The following GALNT13 variants were observed in gnomAD, a reference collection of about 807,000 sequenced individuals.
GALNT13 encodes the protein polypeptide N-acetylgalactosaminyltransferase 13.
In GALNT13, 28 loss-of-function variants were observed where a neutral mutation model predicts 64.2. That is an observed-to-expected ratio of 0.44 (90% CI 0.32 to 0.60). The LOEUF (loss-of-function observed/expected upper bound fraction) is 0.60. Ranked by LOEUF, GALNT13 falls within the 20% of genes least tolerant of loss-of-function variation. The probability of loss-of-function intolerance (pLI) is 0.05; values close to 1 mark genes in which losing one functional copy is unlikely to be tolerated. For missense variants in GALNT13, 577 were observed against 669.8 expected, an observed-to-expected ratio of 0.86 and a Z score of 1.53; for synonymous variants, 214 against 224.6, an observed-to-expected ratio of 0.95 and a Z score of 0.42.
chr2:153,592,927 G>C, the GALNT13 span: 1 of 152,226 alleles, frequency 6.6e-6, no homozygotes, highest in African/African-American at 2.4e-5. Flanking sequence ...AAAGGCCCTG[G>C]GAACTCGCTG....
At chr2:153,793,000 C>G in the GALNT13 span, among the ~76,000 whole-genome samples, 1 of 125,082 alleles carries the variant, frequency 8.0e-6, no homozygotes, top group Non-Finnish European at 1.6e-5. Context: ...GAGATGGAGT[C>G]TCACTCTGTT....
At chr2:153,884,977 T>G (rs1045582071) in intron 1 of GALNT13, among the ~76,000 whole-genome samples, 21 of 149,774 alleles carry the variant, frequency 1.4e-4, no homozygotes, top group Admixed American at 2.7e-4. Context: ...AGGTAAAGGT[T>G]GCAGTGAGCC....
chr2:153,462,065 C>T, the GALNT13 span, among the ~76,000 whole-genome samples: 1 of 152,002 alleles, frequency 6.6e-6, no homozygotes, highest in Non-Finnish European at 1.5e-5. Flanking sequence ...TACTGTTGCG[C>T]ATCCCATAGG....
intron 1 of GALNT13, among the ~76,000 whole-genome samples, chr2:153,894,024 C>G (rs552806887): frequency 2.0e-5 from 3 of 152,116 alleles, no homozygotes; most frequent in African/African-American, 7.2e-5. Flanking sequence ...CAGAAGTGTT[C>G]CAGTTTTCAT....
the GALNT13 span, among the ~76,000 whole-genome samples, chr2:153,411,554 A>T: frequency 1.3e-5 from 2 of 152,134 alleles, no homozygotes; most frequent in African/African-American, 2.4e-5. Context: ...CTTTGAAAGA[A>T]CTGAAACACT....
At chr2:154,442,215 G>C (rs1701332596) in intron 12 of GALNT13, among the ~76,000 whole-genome samples, 1 of 152,050 alleles carries the variant, frequency 6.6e-6, no homozygotes, top group South Asian at 2.1e-4. Flanking sequence ...TAAATAAGCA[G>C]TCATAAAACT....
At chr2:153,458,072 C>T in the GALNT13 span, among the ~76,000 whole-genome samples, 3 of 152,146 alleles carry the variant, frequency 2.0e-5, no homozygotes, top group African/African-American at 7.2e-5. Context: ...AAGTTCTAAC[C>T]TTGCACTTCT....
chr2:153,966,857 A>G (rs543727582), intron 3 of GALNT13, among the ~76,000 whole-genome samples: 3 of 152,078 alleles, frequency 2.0e-5, no homozygotes, highest in Admixed American at 6.6e-5. Context: ...CTTTAATAAA[A>G]TAACTCTTAG....
At chr2:154,115,848 A>G (rs1045201339) in intron 3 of GALNT13, among the ~76,000 whole-genome samples, 2 of 152,102 alleles carry the variant, frequency 1.3e-5, no homozygotes, top group Non-Finnish European at 2.9e-5. Flanking sequence ...CACACCCTTA[A>G]TATTCATTCC....
chr2:153,311,290 A>G, the GALNT13 span, among the ~76,000 whole-genome samples: 4 of 152,226 alleles, frequency 2.6e-5, no homozygotes, highest in African/African-American at 9.6e-5. Flanking sequence ...CAAGATTTGG[A>G]GAAGTAGGAT....
At chr2:154,034,549 G>C (rs565778783) in intron 3 of GALNT13, among the ~76,000 whole-genome samples, 2 of 141,032 alleles carry the variant, frequency 1.4e-5, no homozygotes, top group African/African-American at 6.0e-5. Context: ...AGTGTACGTC[G>C]TACTCATTAA....
intron 3 of GALNT13, among the ~76,000 whole-genome samples, chr2:154,051,707 A>G (rs987839949): frequency 2.6e-5 from 4 of 152,326 alleles, no homozygotes; most frequent in African/African-American, 9.6e-5. Context: ...ATAAATTCCC[A>G]TTAGTACTAC....
At chr2:154,204,430 A>G (rs965331401) in intron 4 of GALNT13, among the ~76,000 whole-genome samples, 3 of 152,188 alleles carry the variant, frequency 2.0e-5, no homozygotes, top group African/African-American at 7.2e-5. Flanking sequence ...ATACATTTCA[A>G]GGCACGATAA....
chr2:154,137,673 A>G (rs1221610976), intron 3 of GALNT13, among the ~76,000 whole-genome samples: 2 of 152,098 alleles, frequency 1.3e-5, no homozygotes, highest in African/African-American at 4.8e-5. Context: ...TGACCTTCAT[A>G]GCTTAAGGTG....
the GALNT13 span, among the ~76,000 whole-genome samples, chr2:153,366,124 A>T: frequency 6.6e-6 from 1 of 152,200 alleles, no homozygotes; most frequent in East Asian, 1.9e-4. Flanking sequence ...CATCATCCTC[A>T]GCAAGCTAAC....
At chr2:153,188,937 C>G in the GALNT13 span, among the ~76,000 whole-genome samples, 1 of 152,080 alleles carries the variant, frequency 6.6e-6, no homozygotes, top group Non-Finnish European at 1.5e-5. Context: ...GTTATACTAT[C>G]ACTACAAGCA....
intron 4 of GALNT13, among the ~76,000 whole-genome samples, chr2:154,174,604 G>A (rs750906390): frequency 3.3e-5 from 5 of 152,150 alleles, no homozygotes; most frequent in Non-Finnish European, 5.9e-5. Context: ...TTTTAAGCAA[G>A]ATGAGTTTTG....
chr2:154,269,906 G>GTGTATATA (rs529424469), intron 8 of GALNT13, among the ~76,000 whole-genome samples: 47 of 96,794 alleles, frequency 4.9e-4, no homozygotes, highest in East Asian at 1.4e-3. Context: ...ATATATATGT[G>GTGTATATA]TATATATATA....
At chr2:153,332,673 G>T in the GALNT13 span, among the ~76,000 whole-genome samples, 1 of 152,080 alleles carries the variant, frequency 6.6e-6, no homozygotes, top group Admixed American at 6.5e-5. Context: ...GCTGATCCAG[G>T]TGAGCTGGTG....
Sources: gnomAD v4.1 joint callset for allele counts (sites outside exome capture counted in the v4.1 genomes callset) on GRCh38, gnomAD v4.1.1 for gene constraint, MANE v1.5 for transcripts, NCBI Gene and HGNC (gene_info 2026-07-23, HGNC 2026-07-21) for gene names.